The following FAM13A variants were observed in gnomAD, a reference collection of about 807,000 sequenced individuals.
FAM13A encodes protein FAM13A.
A neutral mutation model predicts 129.6 loss-of-function variants in FAM13A; 76 were observed. The ratio of observed to expected loss-of-function variants is 0.59; its 90% CI spans 0.49 to 0.71. FAM13A has a LOEUF of 0.71. Among genes scored for constraint, FAM13A ranks in the 30% least tolerant of loss-of-function variants. The probability of loss-of-function intolerance (pLI) is 0.00; values close to 1 mark genes in which losing one functional copy is unlikely to be tolerated. For synonymous variants in FAM13A, 443 were observed against 449.9 expected (o/e 0.98, Z 0.20); for missense variants, 1,108 against 1,249.3 (o/e 0.89, Z 1.70).
chr4:89,020,044 G>A (rs527512491), intron 3 of FAM13A, among the ~76,000 whole-genome samples: 32 of 152,092 alleles, frequency 2.1e-4, no homozygotes, highest in African/African-American at 6.8e-4. Context: ...TGGCCCAAAA[G>A]CATCAGGGAT....
chr4:88,834,341 T>A (rs1007494623), intron 7 of FAM13A, among the ~76,000 whole-genome samples: 1 of 152,160 alleles, frequency 6.6e-6, no homozygotes, highest in African/African-American at 2.4e-5. Flanking sequence ...AAAATCTTTT[T>A]TTCCTCATTG....
intron 7 of FAM13A, among the ~76,000 whole-genome samples, chr4:88,825,284 C>T (rs1578836737): frequency 6.6e-6 from 1 of 151,016 alleles, no homozygotes; most frequent in Non-Finnish European, 1.5e-5. Flanking sequence ...GGCGTGATCT[C>T]GGCTCACTGC....
At chr4:88,806,193 T>C (rs1728522584) in intron 7 of FAM13A, among the ~76,000 whole-genome samples, 1 of 152,148 alleles carries the variant, frequency 6.6e-6, no homozygotes, top group Admixed American at 6.6e-5. Flanking sequence ...AACTATATTA[T>C]GTACATCATT....
chr4:89,013,824 G>A (rs1394362164), intron 3 of FAM13A, among the ~76,000 whole-genome samples: 2 of 152,090 alleles, frequency 1.3e-5, no homozygotes, highest in African/African-American at 2.4e-5. Context: ...TTGTTCTAAC[G>A]CTGATGAGAA....
At chr4:88,906,826 T>A (rs1297257588) in intron 5 of FAM13A, among the ~76,000 whole-genome samples, 3 of 152,204 alleles carry the variant, frequency 2.0e-5, no homozygotes. Flanking sequence ...ACCAACAAAC[T>A]TAAAGTCGCC....
At chr4:88,841,688 G>A (rs973862284) in intron 7 of FAM13A, among the ~76,000 whole-genome samples, 2 of 151,938 alleles carry the variant, frequency 1.3e-5, no homozygotes, top group African/African-American at 4.8e-5. Context: ...TATTCATTGG[G>A]GCAATGCAAA....
chr4:89,055,891 G>T (rs1484405319), intron 1 of FAM13A, among the ~76,000 whole-genome samples: 1 of 152,124 alleles, frequency 6.6e-6, no homozygotes, highest in East Asian at 1.9e-4. Context: ...TATAGGGCTG[G>T]TCTACCATTT....
intron 4 of FAM13A, among the ~76,000 whole-genome samples, chr4:88,979,886 G>A (rs972434377): frequency 8.5e-5 from 13 of 152,116 alleles, no homozygotes; most frequent in South Asian, 4.1e-4. Context: ...CAGAAGAATC[G>A]CTTGAACCCG....
rs1741672609 is a variant in FAM13A, at chr4:88,747,741, G to T, written c.2272C>A (p.Gln758Lys). ...SQLEKEDEKKQELVDKAIKPS... is the reference protein window; with the variant it reads ...SQLEKEDEKKKELVDKAIKPS... Reference sequence around the variant, plus strand: ...TTTATTGCTTTATCCACCAGCTCTTGCTTCTTCTCATCTTCTTTCTCAAGT... The same window carrying T: ...TTTATTGCTTTATCCACCAGCTCTTTCTTCTTCTCATCTTCTTTCTCAAGT... The change falls in exon 18 of 24, where the codon CAA becomes AAA. Residue 758 changes from glutamine to lysine, a missense_variant. Gln to Lys is a moderately conservative substitution (Grantham distance 53). Around this residue, in one of 3 missense-constraint regions of FAM13A, gnomAD observed 529 missense variants for 621.2 expected, o/e 0.85. Transcript: ENST00000264344. 1 of 1,613,954 alleles carries T rather than the reference G, an allele frequency of 6.2e-7. No individual in the cohort carries two copies. The highest frequency in any genetic ancestry group is 8.5e-7 in the Non-Finnish European group (1 of 1,179,928).
intron 2 of FAM13A, among the ~76,000 whole-genome samples, chr4:89,023,360 G>T (rs1025038210): frequency 2.0e-5 from 3 of 151,846 alleles, no homozygotes; most frequent in South Asian, 4.1e-4. Flanking sequence ...TATTTACCCA[G>T]CTGCTTAACC....
intron 3 of FAM13A, among the ~76,000 whole-genome samples, chr4:88,997,309 A>G (rs1579688775): frequency 1.3e-5 from 2 of 152,238 alleles, no homozygotes; most frequent in East Asian, 3.8e-4. Flanking sequence ...CATCAATCTT[A>G]GGACAAAAAC....
rs1012295643 is a variant in FAM13A at position 88,955,401 on chromosome 4, A to G, written c.606-17160T>C. On this transcript the variant is annotated intron_variant, in intron 4 of 23. Coordinates refer to ENST00000264344, the MANE Select transcript of FAM13A (RefSeq NM_014883.4). ...CCCAGCCATGTTGAACTGTGAGTCA[A>G]TTAAACCTCTTTCCTTTATAAATTA... is the stretch of plus-strand genomic sequence containing the variant. Among the ~76,000 whole-genome samples, 11 of 152,290 alleles carry G rather than the reference A, an allele frequency of 7.2e-5. 1 individual carries two copies. The Middle Eastern group carries it at 0.01, about 141-fold the overall frequency.
intron 11 of FAM13A, among the ~76,000 whole-genome samples, chr4:88,773,354 T>C (rs1721063640): frequency 3.3e-5 from 5 of 152,180 alleles, no homozygotes; most frequent in African/African-American, 4.8e-5. Context: ...CATTTCCTCT[T>C]AGGTTTTCTT....
intron 7 of FAM13A, among the ~76,000 whole-genome samples, chr4:88,838,460 G>A (rs747062605): frequency 5.9e-5 from 9 of 152,118 alleles, no homozygotes; most frequent in South Asian, 2.1e-4. Context: ...CATTTTGGCC[G>A]GGCACGGTGG....
Position 88,731,430 on chromosome 4 carries a change from T to A in FAM13A, c.2844-2A>T. ...TGGAGGTGTTCCAGGAGTTCAGGTC[T>A]AAGAGAGAGGAAGCATTGCAAGGAA... On this transcript the variant is annotated splice_acceptor_variant, in intron 22 of 23. Coordinates refer to ENST00000264344, the MANE Select transcript of FAM13A (RefSeq NM_014883.4). LOFTEE classifies it high-confidence loss of function. 6.5e-7 allele frequency: 1 copy of A among 1,546,574 alleles called. No homozygotes were observed. Among genetic ancestry groups the A allele is most frequent in the Non-Finnish European group, 8.8e-7 (1 of 1,134,660 alleles).
chr4:88,931,394 T>G (rs560366071), intron 5 of FAM13A, among the ~76,000 whole-genome samples: 1 of 152,070 alleles, frequency 6.6e-6, no homozygotes, highest in Non-Finnish European at 1.5e-5. Context: ...TGTTCCAGAG[T>G]GTGGAGCCCT....
At chr4:88,874,124 C>T (rs1005882119) in intron 6 of FAM13A, among the ~76,000 whole-genome samples, 4 of 152,110 alleles carry the variant, frequency 2.6e-5, no homozygotes, top group Non-Finnish European at 5.9e-5. Context: ...AAACTAGGTA[C>T]TGATGGAACA....
In FAM13A at chr4:88,974,601, C is replaced by T. The variant is rs148306063; in HGVS notation, c.605+16372G>A. Among the ~76,000 whole-genome samples, 1,279 of 152,080 alleles carry T rather than the reference C, an allele frequency of 8.4e-3. 12 individuals carry two copies. The highest frequency in any genetic ancestry group is 0.03 in the African/African-American group (1,232 of 41,466). On this transcript the variant is annotated intron_variant, in intron 4 of 23. Coordinates refer to ENST00000264344, the MANE Select transcript of FAM13A (RefSeq NM_014883.4). ...CATGCAATTCTCTGCCTCAGCCTCC[C>T]GAGTAGCTGGGATTACAGGCACCCG...
At chr4:88,885,172 C>A (rs1038428475) in intron 6 of FAM13A, among the ~76,000 whole-genome samples, 22 of 151,902 alleles carry the variant, frequency 1.4e-4, no homozygotes, top group African/African-American at 5.1e-4. Flanking sequence ...CATATGGAAC[C>A]AAAGGAACCA....
Sources: gnomAD v4.1 joint callset for allele counts (sites outside exome capture counted in the v4.1 genomes callset) on GRCh38, gnomAD v4.1.1 for gene constraint, gnomAD v4.1.1 regional missense constraint, MANE v1.5 for transcripts, NCBI Gene and HGNC (gene_info 2026-07-23, HGNC 2026-07-21) for gene names.